RAD52: variants seen among roughly 807,000 people sequenced by gnomAD.
RAD52 encodes DNA repair protein RAD52 homolog.
A neutral mutation model predicts 55.5 loss-of-function variants in RAD52; 47 were observed. The ratio of observed to expected loss-of-function variants is 0.85; its 90% confidence interval spans 0.67 to 1.08. The LOEUF is 1.08. Among genes scored for constraint, RAD52 ranks in the 50% least tolerant of loss-of-function variants. RAD52 has a pLI of 0.00. For synonymous variants in RAD52, 184 were observed against 198.9 expected (o/e 0.92, Z 0.63); for missense variants, 468 against 522.8 (o/e 0.90, Z 1.02).
At chr12:963,817 C>T (rs1469841591) in intron 1 of RAD52, among the ~76,000 whole-genome samples, 1 of 150,624 alleles carries the variant, frequency 6.6e-6, no homozygotes, top group African/African-American at 2.4e-5. Flanking sequence ...ATAAAATTAT[C>T]GGCAAGTAAA....
At position 961,309 on chromosome 12, in the gene RAD52, C is replaced by CAAAAAAAAAAAAAAAAAAAAAAAAAA. The variant is rs60547688; in HGVS notation, c.-18-28234_-18-28233insTTTTTTTTTTTTTTTTTTTTTTTTTT. Among the ~76,000 whole-genome samples, 132 of 33,808 alleles carry CAAAAAAAAAAAAAAAAAAAAAAAAAA rather than the reference C, an allele frequency of 3.9e-3. 5 individuals carry two copies. Among genetic ancestry groups the CAAAAAAAAAAAAAAAAAAAAAAAAAA allele is most frequent in the Non-Finnish European group, 5.0e-3 (88 of 17,694 alleles). The allele number at this position is 33,808 out of a possible 152,430, so 22.2% of individuals were successfully genotyped here. A position where few individuals can be genotyped will look rare whatever the true frequency, so the allele number is the denominator to read the frequency against. ...TGGGTGACAGAGTGAGACTCCATCT[C>CAAAAAAAAAAAAAAAAAAAAAAAAAA]AAAAAAAAAAAAAAAAAAAAAAAGG... On this transcript the variant is annotated intron_variant, in intron 1 of 11. Coordinates refer to the RAD52 transcript ENST00000430095.
intron 1 of RAD52, among the ~76,000 whole-genome samples, chr12:977,633 A>G (rs996495145): frequency 6.6e-6 from 1 of 152,060 alleles, no homozygotes; most frequent in Non-Finnish European, 1.5e-5. Context: ...CTGCCTATCT[A>G]CCCACTCTAA....
chr12:913,344 C>A lies in RAD52; in HGVS notation c.*47G>T. On this transcript the variant is annotated 3_prime_UTR_variant, in exon 12 of 12. Coordinates refer to ENST00000358495, the MANE Select transcript of RAD52 (RefSeq NM_134424.4). ...AATTTCATGACCAAAAAGTAGTTTTCCAAAGTCCCTTTGTGACAGAGTCCA... is the reference window on the plus strand; with the variant it reads ...AATTTCATGACCAAAAAGTAGTTTTACAAAGTCCCTTTGTGACAGAGTCCA... 6.9e-7 allele frequency: 1 copy of A among 1,439,454 alleles called. No individual in the cohort carries two copies. The highest frequency in any genetic ancestry group is 9.6e-7 in the Non-Finnish European group (1 of 1,042,836). The allele number at this position is 1,439,454 out of a possible 1,614,324, so 89.2% of individuals were successfully genotyped here. A position where few individuals can be genotyped will look rare whatever the true frequency, so the allele number is the denominator to read the frequency against.
At chr12:957,080 A>T (rs1324111290) in intron 1 of RAD52, among the ~76,000 whole-genome samples, 2 of 152,226 alleles carry the variant, frequency 1.3e-5, no homozygotes, top group South Asian at 4.1e-4. Context: ...AAAAGTCCTT[A>T]TCTGGGCCAA....
intron 1 of RAD52, chr12:975,289 T>A (rs1488668827): frequency 2.0e-5 from 3 of 152,066 alleles, no homozygotes; most frequent in Non-Finnish European, 4.4e-5. Flanking sequence ...AACATAAAAC[T>A]ACAACTGTAA....
In RAD52 at chr12:914,098, T is replaced by C; in HGVS notation, c.991A>G (p.Lys331Glu). The C allele has an allele frequency of 1.2e-6, 2 of 1,614,146 alleles. No homozygotes were observed. The highest frequency in any genetic ancestry group is 1.7e-6 in the Non-Finnish European group (2 of 1,180,018). ...CCTGCATCGGGAGTCACAGCCCACT[T>C]TTCAGAGTTGTCTTCAAGAGTCTCT... ...LIKTLEDNSEKWAVTPDAGDG... is the reference protein window; with the variant it reads ...LIKTLEDNSEEWAVTPDAGDG... The change falls in exon 11 of 12, where the codon AAG (lysine) becomes GAG (glutamate). Residue 331 changes from lysine (K) to glutamate (E), a missense_variant. Coordinates refer to ENST00000358495, the MANE Select transcript of RAD52 (RefSeq NM_134424.4).
chr12:948,270 T>G (rs1958365578), intron 1 of RAD52, among the ~76,000 whole-genome samples: 1 of 151,752 alleles, frequency 6.6e-6, no homozygotes, highest in Non-Finnish European at 1.5e-5. Flanking sequence ...CTGCTGGGAG[T>G]AGGAGGAAAT....
intron 9 of RAD52, among the ~76,000 whole-genome samples, chr12:914,956 G>A (rs1400065558): frequency 5.9e-5 from 9 of 152,094 alleles, no homozygotes; most frequent in Non-Finnish European, 1.0e-4. Flanking sequence ...CCAGGAATTC[G>A]AGACGCCACC....
At chr12:958,382 A>AT (rs1958639382) in intron 1 of RAD52, among the ~76,000 whole-genome samples, 1 of 151,844 alleles carries the variant, frequency 6.6e-6, no homozygotes, top group South Asian at 2.1e-4. Flanking sequence ...TACCCGGTTA[A>AT]TTTTTGTATT....
Position 916,638 on chromosome 12 carries a change from C to G in RAD52, c.725+1G>C, listed in dbSNP as rs1210017410. 3 of 1,612,454 alleles carry G rather than the reference C, an allele frequency of 1.9e-6. No individual in the cohort carries two copies. Among genetic ancestry groups the G allele is most frequent in the Admixed American group, 3.3e-5 (2 of 59,878 alleles). The stretch of plus-strand genomic sequence containing the variant: ...GAAAGGAGGGGACTTAGGCCGCATA[C>G]CGGGAGCTGCAGTCCTGGTCCGCCG... On this transcript the variant is annotated splice_donor_variant, in intron 8 of 11. Transcript: ENST00000358495. LOFTEE classifies it high-confidence loss of function.
At chr12:963,072 A>T (rs1958709787) in intron 1 of RAD52, among the ~76,000 whole-genome samples, 1 of 152,178 alleles carries the variant, frequency 6.6e-6, no homozygotes, top group South Asian at 2.1e-4. Flanking sequence ...TACTAGATTT[A>T]AGGAGTGTAA....
At position 912,158 on chromosome 12, in the gene RAD52, T is replaced by C. The variant is rs1592295918; in HGVS notation, c.*1233A>G. 1.0e-5 allele frequency: 2 copies of C among 197,418 alleles called. No individual in the cohort carries two copies. The highest frequency in any genetic ancestry group is 3.8e-4 in the South Asian group (2 of 5,214). The allele number at this position is 197,418 out of a possible 1,614,324, so 12.2% of individuals were successfully genotyped here. On this transcript the variant is annotated 3_prime_UTR_variant, in exon 12 of 12. Transcript: ENST00000358495. ...ACCTGAAATGGGGAAGTAGAAACAG[T>C]TGCGTTTGAGCATCCCTAATTGAAA...
chr12:950,035 C>T (rs1006698289), upstream of RAD52, among the ~76,000 whole-genome samples: 2 of 152,214 alleles, frequency 1.3e-5, no homozygotes, highest in African/African-American at 2.4e-5. Flanking sequence ...TCACACTTCA[C>T]ATGCCCAGTG....
At chr12:914,370 G>T in intron 10 of RAD52, 61 bp downstream of exon 10, 2 of 1,598,144 alleles carry the variant, frequency 1.3e-6, no homozygotes, top group Non-Finnish European at 8.5e-7. Context: ...CGCCTAAAAG[G>T]TATTCTGTGG....
At chr12:932,915 C>T in intron 2 of RAD52, 60 bp downstream of exon 2, 1 of 1,518,342 alleles carries the variant, frequency 6.6e-7, no homozygotes, top group African/African-American at 1.4e-5. Context: ...TACAAACTGC[C>T]TTGCCCTAAC....
upstream of RAD52, among the ~76,000 whole-genome samples, chr12:953,992 C>T (rs11064613): frequency 0.081 from 12,377 of 152,222 alleles, 727 homozygotes; most frequent in East Asian, 0.36. Flanking sequence ...TATGTCCACA[C>T]CCCTGCCAAT....
chr12:959,000 T>A (rs1196736723), intron 1 of RAD52, among the ~76,000 whole-genome samples: 1 of 152,198 alleles, frequency 6.6e-6, no homozygotes, highest in Non-Finnish European at 1.5e-5. Flanking sequence ...ATAGCAGCTG[T>A]ACTACTGATC....
At chr12:933,641 A>T (rs1039992639) in intron 1 of RAD52, among the ~76,000 whole-genome samples, 38 of 152,232 alleles carry the variant, frequency 2.5e-4, no homozygotes, top group African/African-American at 8.9e-4. Context: ...CGGTGCTATT[A>T]AAGGTGATTT....
intron 1 of RAD52, among the ~76,000 whole-genome samples, chr12:943,350 A>G (rs1034294822): frequency 6.6e-6 from 1 of 152,150 alleles, no homozygotes; most frequent in African/African-American, 2.4e-5. Flanking sequence ...CTGGAGCCCT[A>G]CTGGTTTTTT....
Sources: gnomAD v4.1 joint callset for allele counts (sites outside exome capture counted in the v4.1 genomes callset) on GRCh38, gnomAD v4.1.1 for gene constraint, MANE v1.5 for transcripts, NCBI Gene and HGNC (gene_info 2026-07-23, HGNC 2026-07-21) for gene names.